The following ASTN2 variants were observed in gnomAD, a reference collection of about 807,000 sequenced individuals.
ASTN2 encodes astrotactin-2.
A neutral mutation model predicts 139.8 loss-of-function variants in ASTN2; 54 were observed. The observed-to-expected ratio is 0.39, with a 90% confidence interval of 0.31 to 0.48. ASTN2 has a LOEUF of 0.48. Ranked by LOEUF, ASTN2 falls within the 20% of genes least tolerant of loss-of-function variation. ASTN2 has a pLI of 0.95. For missense variants in ASTN2, 1,565 were observed against 1,725.1 expected (o/e 0.91, Z 1.64); for synonymous variants, 756 against 719.5 (o/e 1.05, Z -0.81).
intron 1 of ASTN2, among the ~76,000 whole-genome samples, chr9:117,339,831 T>A (rs1829008282): frequency 6.6e-6 from 1 of 150,584 alleles, no homozygotes; most frequent in Non-Finnish European, 1.5e-5. Context: ...AGAGACTCTC[T>A]GAGGACCACA....
intron 2 of ASTN2, among the ~76,000 whole-genome samples, chr9:117,224,790 T>A (rs1171338011): frequency 2.0e-5 from 3 of 152,204 alleles, no homozygotes; most frequent in Non-Finnish European, 4.4e-5. Context: ...CACTTCTTTG[T>A]CGAGTCCTTT....
Position 116,776,275 on chromosome 9 carries a change from G to A in ASTN2, c.2396+29357C>T, listed in dbSNP as rs369360617. ...AAGGGTTTTAGGTAAGGTACAGGGT[G>A]AGGGGACTATCATTAATAGAGTATG... is the stretch of plus-strand genomic sequence containing the variant. On this transcript the variant is annotated intron_variant, in intron 13 of 22. Coordinates refer to ENST00000313400, the MANE Select transcript of ASTN2 (RefSeq NM_001365068.1). 5.3e-5 allele frequency among the ~76,000 whole-genome samples: 8 copies of A among 152,186 alleles called. No individual in the cohort carries two copies. The East Asian group carries it at 1.3e-3, about 26-fold the overall frequency.
chr9:117,036,462 A>G (rs1435819695), intron 6 of ASTN2, among the ~76,000 whole-genome samples: 1 of 152,198 alleles, frequency 6.6e-6, no homozygotes, highest in African/African-American at 2.4e-5. Context: ...CTCCAAGGAT[A>G]GTCATATCTT....
chr9:116,835,309 G>T (rs1831949472), intron 11 of ASTN2, among the ~76,000 whole-genome samples: 1 of 151,866 alleles, frequency 6.6e-6, no homozygotes, highest in African/African-American at 2.4e-5. Context: ...CATAACATGA[G>T]ACAAGGAAGA....
intron 4 of ASTN2, among the ~76,000 whole-genome samples, chr9:117,097,841 A>T (rs936139897): frequency 6.6e-6 from 1 of 152,198 alleles, no homozygotes; most frequent in African/African-American, 2.4e-5. Context: ...ACTTGCAGAC[A>T]CTTTTTCTGC....
intron 20 of ASTN2, among the ~76,000 whole-genome samples, chr9:116,452,417 C>A (rs1848202232): frequency 1.3e-5 from 2 of 152,094 alleles, no homozygotes; most frequent in Non-Finnish European, 2.9e-5. Context: ...GATTGTTTGC[C>A]CTCTCTGCAC....
At chr9:117,350,427 G>A (rs1829351656) in intron 1 of ASTN2, among the ~76,000 whole-genome samples, 1 of 152,016 alleles carries the variant, frequency 6.6e-6, no homozygotes, top group Non-Finnish European at 1.5e-5. Flanking sequence ...GTGGGCACCT[G>A]TAATCCCAGC....
intron 10 of ASTN2, among the ~76,000 whole-genome samples, chr9:116,897,223 G>A (rs1833899930): frequency 6.6e-6 from 1 of 152,222 alleles, no homozygotes; most frequent in African/African-American, 2.4e-5. Flanking sequence ...CACATGGCAA[G>A]TGGTAATACC....
intron 4 of ASTN2, among the ~76,000 whole-genome samples, chr9:117,100,144 T>C (rs1828940711): frequency 1.3e-5 from 2 of 152,220 alleles, no homozygotes; most frequent in South Asian, 4.1e-4. Context: ...AGCAAGATCT[T>C]TGTGACTCTC....
chr9:116,456,383 T>C (rs1334313310), intron 20 of ASTN2, among the ~76,000 whole-genome samples: 2 of 152,182 alleles, frequency 1.3e-5, no homozygotes, highest in South Asian at 2.1e-4. Context: ...AGATAATCCA[T>C]GTTCATGGAT....
At chr9:116,686,978 G>T (rs763453251) in intron 16 of ASTN2, 1 of 1,455,738 alleles carries the variant, frequency 6.9e-7, no homozygotes, top group Non-Finnish European at 9.1e-7. Flanking sequence ...ACGCTTTGCT[G>T]AGGACTACCC....
intron 6 of ASTN2, among the ~76,000 whole-genome samples, chr9:117,012,604 C>T (rs1475490260): frequency 6.6e-6 from 1 of 152,044 alleles, no homozygotes. Flanking sequence ...AAAATATAGG[C>T]ATTGTCTTTG....
intron 7 of ASTN2, among the ~76,000 whole-genome samples, chr9:116,992,687 G>A (rs1156786999): frequency 6.6e-6 from 1 of 152,080 alleles, no homozygotes; most frequent in Non-Finnish European, 1.5e-5. Flanking sequence ...CTTTAGAGAT[G>A]GTATAAAAAC....
chr9:116,485,260 A>C (rs1271389354), intron 20 of ASTN2, among the ~76,000 whole-genome samples: 3 of 151,332 alleles, frequency 2.0e-5, no homozygotes, highest in Non-Finnish European at 4.4e-5. Context: ...AAAGAGAAGG[A>C]ATTGGAGGCT....
At chr9:116,704,125 A>T (rs1449011338) in intron 16 of ASTN2, among the ~76,000 whole-genome samples, 1 of 152,274 alleles carries the variant, frequency 6.6e-6, no homozygotes, top group East Asian at 1.9e-4. Context: ...CTGCATTTTA[A>T]CTAGCTGTGT....
At chr9:116,494,017 G>T (rs1849599626) in intron 19 of ASTN2, among the ~76,000 whole-genome samples, 1 of 152,186 alleles carries the variant, frequency 6.6e-6, no homozygotes, top group East Asian at 1.9e-4. Flanking sequence ...AATTCATTAT[G>T]AGAACTTGTC....
intron 17 of ASTN2, among the ~76,000 whole-genome samples, chr9:116,623,910 T>C (rs528241022): frequency 1.4e-4 from 21 of 152,086 alleles, no homozygotes; most frequent in African/African-American, 4.1e-4. Context: ...TGTGTGTGCA[T>C]GTGTTGTTTG....
intron 19 of ASTN2, among the ~76,000 whole-genome samples, chr9:116,513,417 T>C (rs1474438554): frequency 1.3e-5 from 2 of 152,208 alleles, no homozygotes; most frequent in Admixed American, 1.3e-4. Context: ...AACCTTTCTC[T>C]CTGACTGCCC....
At chr9:116,650,548 TG>T (rs1857849859) in intron 17 of ASTN2, among the ~76,000 whole-genome samples, 1 of 152,146 alleles carries the variant, frequency 6.6e-6, no homozygotes, top group African/African-American at 2.4e-5. Flanking sequence ...AAGTAAAAAA[TG>T]GCCAAATGTC....
Sources: gnomAD v4.1 joint callset for allele counts (sites outside exome capture counted in the v4.1 genomes callset) on GRCh38, gnomAD v4.1.1 for gene constraint, MANE v1.5 for transcripts, NCBI Gene and HGNC (gene_info 2026-07-23, HGNC 2026-07-21) for gene names.